Variants in LCN10 observed in about 807,000 individuals in gnomAD.
LCN10 encodes lipocalin 10.
Under a neutral mutation model 25.1 loss-of-function variants are expected in LCN10, and 18 were observed. The ratio of observed to expected loss-of-function variants is 0.72; its 90% CI spans 0.50 to 1.06. LCN10 has a LOEUF of 1.06. Ranked by LOEUF, LCN10 falls within the 50% of genes least tolerant of loss-of-function variation. The pLI, the probability that LCN10 is intolerant of heterozygous loss-of-function variation, is 0.00. For missense variants in LCN10, 257 were observed against 258.9 expected, an observed-to-expected ratio of 0.99 and a Z score of 0.05; for synonymous variants, 130 against 116.7, an observed-to-expected ratio of 1.11 and a Z score of -0.73.
intron 1 of LCN10, chr9:136,742,296 G>GCTC: frequency 2.1e-6 from 1 of 484,088 alleles, no homozygotes; most frequent in East Asian, 3.7e-5. Flanking sequence ...AGAGGCCCCG[G>GCTC]CTCCTTCCCA....
At chr9:136,742,275 C>T (rs1846953670) in intron 1 of LCN10, 1 of 503,284 alleles carries the variant, frequency 2.0e-6, no homozygotes, top group Non-Finnish European at 3.5e-6. Context: ...AGGTGGGAGG[C>T]CCCCTACCTC....
In LCN10 at chr9:136,740,136, T is replaced by G. The variant is rs1466385989; in HGVS notation, c.476-88A>C. 11 of 894,492 alleles carry G rather than the reference T, an allele frequency of 1.2e-5. No homozygotes were observed. The highest frequency in any genetic ancestry group is 2.0e-5 in the Non-Finnish European group (11 of 549,336). The allele number at this position is 894,492 out of a possible 1,614,324, so 55.4% of individuals were successfully genotyped here. Reference sequence around the variant, plus strand: ...TGACCCCCATCCCTACCCCAGGAGCTGCTGAAATGTCCTCAGAGCTTAGGC... The same window carrying G: ...TGACCCCCATCCCTACCCCAGGAGCGGCTGAAATGTCCTCAGAGCTTAGGC... On this transcript the variant is annotated intron_variant, in intron 4 of 5. Transcript: ENST00000497771. The surrounding 1 kb of genome is among the most constrained non-coding windows in gnomAD (Gnocchi z 5.3).
Position 136,740,184 on chromosome 9 carries a change from G to A in LCN10, c.476-136C>T. The A allele has an allele frequency of 2.9e-6, 2 of 698,074 alleles. No homozygotes were observed. The highest frequency in any genetic ancestry group is 2.1e-5 in the Admixed American group (1 of 46,898). 43.2% of individuals were successfully genotyped at this position (698,074 alleles called of 1,614,324 possible). On this transcript the variant is annotated intron_variant, in intron 4 of 5. Coordinates refer to ENST00000497771, the MANE Select transcript of LCN10 (RefSeq NM_001001712.3). This position sits in a 1 kb window ranked among gnomAD's most constrained non-coding sequence, Gnocchi z 5.3. ...GGCGTGAAGCAGGGGTTGGCCAGGG[G>A]AGGACAGCGGCCGCTGGGCCCCTCC...
chr9:136,742,236 C>G (rs946458728), intron 1 of LCN10: 6 of 590,258 alleles, frequency 1.0e-5, no homozygotes, highest in Non-Finnish European at 1.5e-5. Context: ...GGACCCCAGG[C>G]AGCAAAGGGC....
rs745439627 is a variant in LCN10 at position 136,742,025 on chromosome 9, G to A, written c.118-5C>T. On this transcript the variant is annotated splice_polypyrimidine_tract_variant and splice_region_variant and intron_variant, in intron 1 of 5. Coordinates refer to ENST00000497771, the MANE Select transcript of LCN10 (RefSeq NM_001001712.3). ...AATGTACCAGAACCCTGAAAACTGC[G>A]CAGCGGATGTGTGGGCGGGGACAGG... 6.0e-5 allele frequency: 96 copies of A among 1,612,412 alleles called. 1 individual carries two copies. Among genetic ancestry groups the A allele is most frequent in the South Asian group, 2.1e-4 (19 of 90,940 alleles).
At position 136,741,271 on chromosome 9, in the gene LCN10, C is replaced by T. The variant is rs755566221; in HGVS notation, c.348G>A (p.Pro116=). Residue 116 remains proline (P), a synonymous_variant, in exon 3 of 6, where the codon CCG becomes CCA. Transcript: ENST00000497771. ...FGNACAYAAG[P]REGQEGVKGV... ...GCACACCTCCCTCCTGTCCTTCCCTCGGGCCCGCCGCGTATGCACAGGCGT... is the reference window on the plus strand; with the variant it reads ...GCACACCTCCCTCCTGTCCTTCCCTTGGGCCCGCCGCGTATGCACAGGCGT... 2.4e-5 allele frequency: 39 copies of T among 1,613,390 alleles called. No individual in the cohort carries two copies. The highest frequency in any genetic ancestry group is 2.1e-4 in the South Asian group (19 of 91,082).
At chr9:136,742,337 G>C in intron 1 of LCN10, 1 of 423,628 alleles carries the variant, frequency 2.4e-6, no homozygotes, top group Non-Finnish European at 4.2e-6. Context: ...GTACTGCTCG[G>C]CCACTTCCCT....
rs1846911706 is a variant in LCN10, at chr9:136,740,664, C to T, written c.475+172G>A. ...CCCCTATCCTTGCTTCAGCGACCTC[C>T]AGGACCTGACTGCTGTGGTCTCGGC... On this transcript the variant is annotated intron_variant, in intron 4 of 5. Coordinates refer to ENST00000497771, the MANE Select transcript of LCN10 (RefSeq NM_001001712.3). The surrounding 1 kb of genome is among the most constrained non-coding windows in gnomAD (Gnocchi z 5.3). 1 of 594,822 alleles carries T rather than the reference C, an allele frequency of 1.7e-6. No individual in the cohort carries two copies. Among genetic ancestry groups the T allele is most frequent in the African/African-American group, 1.9e-5 (1 of 53,738 alleles). The allele number at this position is 594,822 out of a possible 1,614,324, so 36.8% of individuals were successfully genotyped here. A position where few individuals can be genotyped will look rare whatever the true frequency, so the allele number is the denominator to read the frequency against.
At position 136,739,453 on chromosome 9, in the gene LCN10, G is replaced by A. The variant is rs1458517704; in HGVS notation, c.*72C>T. 6.6e-6 allele frequency: 10 copies of A among 1,510,470 alleles called. No homozygotes were observed. The highest frequency in any genetic ancestry group is 8.1e-6 in the Non-Finnish European group (9 of 1,108,452). The allele number at this position is 1,510,470 out of a possible 1,614,324, so 93.6% of individuals were successfully genotyped here. On this transcript the variant is annotated 3_prime_UTR_variant, in exon 6 of 6. Transcript: ENST00000497771. This position sits in a 1 kb window ranked among gnomAD's most constrained non-coding sequence, Gnocchi z 6.1. ...TCTCAACAAGCCGTGGTCTCCACTTGACATCTGGAACAACGCTCCTCGGGT... is the reference window on the plus strand; with the variant it reads ...TCTCAACAAGCCGTGGTCTCCACTTAACATCTGGAACAACGCTCCTCGGGT...
chr9:136,740,726 C>A lies in LCN10; in HGVS notation c.475+110G>T. ...CTGCCCTGACCACCGCCCCAACCCC[C>A]ACTCTCCCTGCCCGCCTCACCTCCT... On this transcript the variant is annotated intron_variant, in intron 4 of 5. Transcript: ENST00000497771. This position sits in a 1 kb window ranked among gnomAD's most constrained non-coding sequence, Gnocchi z 5.3. The A allele has an allele frequency of 1.3e-6, 1 of 788,330 alleles. No individual in the cohort carries two copies. Among genetic ancestry groups the A allele is most frequent in the Non-Finnish European group, 2.0e-6 (1 of 494,110 alleles). The allele number at this position is 788,330 out of a possible 1,614,324, so 48.8% of individuals were successfully genotyped here. A position where few individuals can be genotyped will look rare whatever the true frequency, so the allele number is the denominator to read the frequency against.
At chr9:136,741,434 C>T in intron 2 of LCN10, 73 bp from the exon 3 acceptor site, 1 of 1,220,102 alleles carries the variant, frequency 8.2e-7, no homozygotes, top group African/African-American at 1.5e-5. Context: ...CCGAGCCCCA[C>T]CCACACGTCT....
At chr9:136,742,116 C>A in intron 1 of LCN10, 96 bp from the exon 2 acceptor site, 1 of 1,482,746 alleles carries the variant, frequency 6.7e-7, no homozygotes, top group East Asian at 2.4e-5. Flanking sequence ...GACAAATGAC[C>A]CTTCTGTGAG....
chr9:136,740,757 G>T lies in LCN10; in HGVS notation c.475+79C>A. ...CCCTGCCCGCCTCACCTCCTGCCCG[G>T]CCCCCTGTGCCCAGCGCCCCTCTAT... On this transcript the variant is annotated intron_variant, in intron 4 of 5. Transcript: ENST00000497771. The surrounding 1 kb of genome is among the most constrained non-coding windows in gnomAD (Gnocchi z 5.3). 1 of 1,041,050 alleles carries T rather than the reference G, an allele frequency of 9.6e-7. No individual in the cohort carries two copies. The highest frequency in any genetic ancestry group is 1.4e-6 in the Non-Finnish European group (1 of 733,710). The allele number at this position is 1,041,050 out of a possible 1,614,324, so 64.5% of individuals were successfully genotyped here.
chr9:136,742,299 C>T (rs1306561562), intron 1 of LCN10: 2 of 484,152 alleles, frequency 4.1e-6, no homozygotes. Flanking sequence ...GGCCCCGGCT[C>T]CTTCCCACAT....
intron 1 of LCN10, 36 bp downstream of exon 1, chr9:136,742,751 G>T (rs749697591): frequency 1.9e-6 from 3 of 1,609,784 alleles, no homozygotes; most frequent in Non-Finnish European, 2.5e-6. Flanking sequence ...CTCCAGAGCC[G>T]GCGCCCGGCT....
rs749028258 is a variant in LCN10, at chr9:136,741,056, T to A, written c.368-113A>T. ...CAGAGCCCCCACCCAGGTGCAGGTG[T>A]CCAGAGGGACTGAGTGCCCTCCCGG... is the stretch of plus-strand genomic sequence containing the variant. On this transcript the variant is annotated intron_variant, in intron 3 of 5. Coordinates refer to ENST00000497771, the MANE Select transcript of LCN10 (RefSeq NM_001001712.3). 6.5e-6 allele frequency: 7 copies of A among 1,068,708 alleles called. No homozygotes were observed. In the East Asian group the frequency reaches 1.5e-4, roughly 23 times the overall value. The allele number at this position is 1,068,708 out of a possible 1,614,324, so 66.2% of individuals were successfully genotyped here. A position where few individuals can be genotyped will look rare whatever the true frequency, so the allele number is the denominator to read the frequency against.
intron 3 of LCN10, 105 bp from the exon 4 acceptor site, chr9:136,741,048 T>G (rs769354144): frequency 1.8e-6 from 2 of 1,114,010 alleles, no homozygotes; most frequent in Admixed American, 4.0e-5. Flanking sequence ...CCCACCCAGG[T>G]GCAGGTGTCC....
Position 136,739,812 on chromosome 9 carries a change from G to A in LCN10, c.574+138C>T, listed in dbSNP as rs972661569. 2.0e-5 allele frequency: 17 copies of A among 852,598 alleles called. No individual in the cohort carries two copies. Among genetic ancestry groups the A allele is most frequent in the Admixed American group, 1.8e-4 (9 of 48,962 alleles). 52.8% of individuals were successfully genotyped at this position (852,598 alleles called of 1,614,324 possible). On this transcript the variant is annotated intron_variant, in intron 5 of 5. Coordinates refer to ENST00000497771, the MANE Select transcript of LCN10 (RefSeq NM_001001712.3). This position sits in a 1 kb window ranked among gnomAD's most constrained non-coding sequence, Gnocchi z 6.1. ...CCGATTCTCAGGGGCGGCAGGAGGT[G>A]GGAGGCACGTTTGGGCGGATCTTTC...
At chr9:136,741,043 C>G (rs757801418) in intron 3 of LCN10, 100 bp from the exon 4 acceptor site, 1 of 1,147,186 alleles carries the variant, frequency 8.7e-7, no homozygotes, top group Non-Finnish European at 1.3e-6. Flanking sequence ...GAGCCCCCAC[C>G]CAGGTGCAGG....
Sources: gnomAD v4.1 joint callset for allele counts on GRCh38, gnomAD v4.1.1 for gene constraint, Gnocchi (gnomAD v3.1) non-coding constraint, MANE v1.5 for transcripts, NCBI Gene and HGNC (gene_info 2026-07-23, HGNC 2026-07-21) for gene names.